The following TMEM178B variants were observed in gnomAD, a reference collection of about 807,000 sequenced individuals.
TMEM178B encodes the protein transmembrane protein 178B.
A neutral mutation model predicts 31.0 loss-of-function variants in TMEM178B; 5 were observed. The observed-to-expected ratio is 0.16, with a 90% CI of 0.08 to 0.34. The LOEUF (loss-of-function observed/expected upper bound fraction) is 0.34. Among genes scored for constraint, TMEM178B ranks in the 10% least tolerant of loss-of-function variants. TMEM178B has a pLI of 1.00. For synonymous variants in TMEM178B, 164 were observed against 164.0 expected (o/e 1.00, Z 0.00); for missense variants, 275 against 400.3 (o/e 0.69, Z 2.67).
Position 141,373,695 on chromosome 7 carries a change from T to C in TMEM178B, c.497-63913T>C, listed in dbSNP as rs553121034. ...CAGGCTGCTCCCGGGGAAGGGGCAT[T>C]CCCTTGGGTGAGGCAGCCTCCACTG... On this transcript the variant is annotated intron_variant, in intron 2 of 3. Coordinates refer to ENST00000565468, the MANE Select transcript of TMEM178B (RefSeq NM_001195278.2). 2.2e-4 allele frequency among the ~76,000 whole-genome samples: 33 copies of C among 152,250 alleles called. No homozygotes were observed. The East Asian group carries it at 3.9e-3, about 18-fold the overall frequency.
rs117061329 is a variant in TMEM178B, at chr7:141,440,625, C to T, written c.634+2880C>T. 1.7e-3 allele frequency among the ~76,000 whole-genome samples: 257 copies of T among 152,194 alleles called. 10 individuals carry two copies. The East Asian group carries it at 0.041, about 24-fold the overall frequency. On this transcript the variant is annotated intron_variant, in intron 3 of 3. Coordinates refer to ENST00000565468, the MANE Select transcript of TMEM178B (RefSeq NM_001195278.2). ...TCGATTATTACTGGGAAAGCTCATC[C>T]AAGCTTTTAGTACTGAGGGTCCCAG...
In TMEM178B at chr7:141,436,553, G is replaced by A. The variant is rs111792819; in HGVS notation, c.497-1055G>A. Among the ~76,000 whole-genome samples, 789 of 152,252 alleles carry A rather than the reference G, an allele frequency of 5.2e-3. 7 individuals are homozygous for A. Among genetic ancestry groups the A allele is most frequent in the Middle Eastern group, 6.8e-3 (2 of 294 alleles). ...GGTGGGTGTTGGTGAAGGGTAGAGGGGTGGGTGGCATGAGCAGAGGGTCAG... is the reference window on the plus strand; with the variant it reads ...GGTGGGTGTTGGTGAAGGGTAGAGGAGTGGGTGGCATGAGCAGAGGGTCAG... On this transcript the variant is annotated intron_variant, in intron 2 of 3. Transcript: ENST00000565468.
intron 3 of TMEM178B, among the ~76,000 whole-genome samples, chr7:141,449,634 G>T (rs2116700188): frequency 6.6e-6 from 1 of 152,306 alleles, no homozygotes; most frequent in South Asian, 2.1e-4. Flanking sequence ...AAGTCAGAAT[G>T]TGCAGACAGG....
intron 2 of TMEM178B, among the ~76,000 whole-genome samples, chr7:141,254,310 C>T (rs1797887539): frequency 6.6e-6 from 1 of 152,268 alleles, no homozygotes; most frequent in African/African-American, 2.4e-5. Context: ...TGGGGCAGCT[C>T]GTTTGCTGAG....
At chr7:141,396,186 G>C (rs897792381) in intron 2 of TMEM178B, among the ~76,000 whole-genome samples, 1 of 151,512 alleles carries the variant, frequency 6.6e-6, no homozygotes, top group Non-Finnish European at 1.5e-5. Context: ...GGAAAGAGTG[G>C]CATTGTCAGG....
At chr7:141,272,693 GC>G (rs1798202811) in intron 2 of TMEM178B, among the ~76,000 whole-genome samples, 1 of 152,196 alleles carries the variant, frequency 6.6e-6, no homozygotes, top group Non-Finnish European at 1.5e-5. Context: ...CCCGTGGGCT[GC>G]CCTTGCCATC....
At chr7:141,109,959 T>TA (rs58758760) in intron 1 of TMEM178B, among the ~76,000 whole-genome samples, 132 of 146,644 alleles carry the variant, frequency 9.0e-4, no homozygotes, top group African/African-American at 2.7e-3. Flanking sequence ...TCTCTCTCTC[T>TA]AAAAAAAAAA....
At chr7:141,261,658 C>T (rs1038991888) in intron 2 of TMEM178B, among the ~76,000 whole-genome samples, 2 of 152,124 alleles carry the variant, frequency 1.3e-5, no homozygotes, top group East Asian at 1.9e-4. Flanking sequence ...GCTCCGGCCC[C>T]GCTCCAGGTC....
rs1014791933 is a variant in TMEM178B at position 141,380,934 on chromosome 7, G to T, written c.497-56674G>T. 3.3e-5 allele frequency among the ~76,000 whole-genome samples: 5 copies of T among 152,148 alleles called. 1 individual carries two copies. Among genetic ancestry groups the T allele is most frequent in the South Asian group, 2.1e-4 (1 of 4,820 alleles). Reference sequence around the variant, plus strand: ...ATCTAGAAGAAAGCAGACCTAACTGGGGATTACAGAGGCTAACATGGTGGC... The same window carrying T: ...ATCTAGAAGAAAGCAGACCTAACTGTGGATTACAGAGGCTAACATGGTGGC... On this transcript the variant is annotated intron_variant, in intron 2 of 3. Coordinates refer to ENST00000565468, the MANE Select transcript of TMEM178B (RefSeq NM_001195278.2).
At chr7:141,200,292 G>C (rs894206447) in intron 1 of TMEM178B, among the ~76,000 whole-genome samples, 2 of 152,140 alleles carry the variant, frequency 1.3e-5, no homozygotes, top group African/African-American at 4.8e-5. Flanking sequence ...ATGGCTTAAG[G>C]GAGCTGTGGA....
chr7:141,274,903 A>G (rs1798241717), intron 2 of TMEM178B, among the ~76,000 whole-genome samples: 1 of 152,160 alleles, frequency 6.6e-6, no homozygotes, highest in African/African-American at 2.4e-5. Context: ...CCAGACTCCA[A>G]CCAAGGGTGG....
downstream of TMEM178B, among the ~76,000 whole-genome samples, chr7:141,485,170 C>T (rs1218505173): frequency 6.6e-6 from 1 of 152,194 alleles, no homozygotes; most frequent in Non-Finnish European, 1.5e-5. Context: ...TTGCTTTTGC[C>T]TCTTCCTGAG....
chr7:141,290,825 A>G (rs1366971012), intron 2 of TMEM178B, among the ~76,000 whole-genome samples: 1 of 152,220 alleles, frequency 6.6e-6, no homozygotes, highest in African/African-American at 2.4e-5. Flanking sequence ...GGCAGGAGGC[A>G]TAGCTGGTTT....
intron 1 of TMEM178B, among the ~76,000 whole-genome samples, chr7:141,093,712 A>C (rs1327420001): frequency 6.6e-6 from 1 of 152,234 alleles, no homozygotes; most frequent in African/African-American, 2.4e-5. Context: ...CAGTGAGTTA[A>C]GAGAACATTC....
In TMEM178B at chr7:141,159,988, T is replaced by TTA. The variant is rs930166792; in HGVS notation, c.383-52590_383-52589dup. 7.4e-4 allele frequency among the ~76,000 whole-genome samples: 109 copies of TTA among 147,900 alleles called. No homozygotes were observed. In the East Asian group the frequency reaches 0.013, roughly 18 times the overall value. The stretch of plus-strand genomic sequence containing the variant: ...CAATAATGGGGAAGCATTGTTTATT[T>TTA]TATATATATATATAATTTTAATATA... On this transcript the variant is annotated intron_variant, in intron 1 of 3. Coordinates refer to ENST00000565468, the MANE Select transcript of TMEM178B (RefSeq NM_001195278.2).
intron 2 of TMEM178B, among the ~76,000 whole-genome samples, chr7:141,263,616 T>A (rs1372413290): frequency 6.6e-6 from 1 of 152,128 alleles, no homozygotes; most frequent in Non-Finnish European, 1.5e-5. Context: ...AGTAACAATT[T>A]TATGCTTTGA....
chr7:141,098,995 A>G (rs1167554677), intron 1 of TMEM178B, among the ~76,000 whole-genome samples: 2 of 152,228 alleles, frequency 1.3e-5, no homozygotes, highest in African/African-American at 4.8e-5. Context: ...ACAAACAAAC[A>G]AACATGTTTA....
intron 2 of TMEM178B, among the ~76,000 whole-genome samples, chr7:141,226,605 C>T (rs536243247): frequency 2.0e-5 from 3 of 152,240 alleles, no homozygotes; most frequent in African/African-American, 7.2e-5. Flanking sequence ...GTAATCCCAG[C>T]ATTTAGGGAG....
At position 141,209,080 on chromosome 7, in the gene TMEM178B, G is replaced by GT. The variant is rs141361560; in HGVS notation, c.383-3508dup. On this transcript the variant is annotated intron_variant, in intron 1 of 3. Coordinates refer to ENST00000565468, the MANE Select transcript of TMEM178B (RefSeq NM_001195278.2). ...CCTTGGCCAGCAGAGCAGCAGCTGG[G>GT]TTTCAGTGCCCAGGTATCCCTGGGA... Among the ~76,000 whole-genome samples the GT allele has an allele frequency of 1.5e-3, 221 of 152,340 alleles. 1 individual carries two copies. Among genetic ancestry groups the GT allele is most frequent in the African/African-American group, 5.2e-3 (217 of 41,582 alleles).
Sources: allele counts gnomAD v4.1 joint callset (sites outside exome capture counted in the v4.1 genomes callset), GRCh38; gene constraint gnomAD v4.1.1; transcripts MANE v1.5; gene names NCBI Gene and HGNC (gene_info 2026-07-23, HGNC 2026-07-21).